IQCM: variants seen among roughly 807,000 people sequenced by gnomAD.
IQCM encodes IQ motif containing M.
IQCM carries 45 observed loss-of-function variants against 57.6 expected under a neutral mutation model. The ratio of observed to expected loss-of-function variants is 0.78; its 90% CI spans 0.62 to 1.00. The LOEUF is 1.00. Ranked by LOEUF, IQCM falls within the 50% of genes least tolerant of loss-of-function variation. The probability of loss-of-function intolerance (pLI) is 0.00; values close to 1 mark genes in which losing one functional copy is unlikely to be tolerated. For missense variants in IQCM, 468 were observed against 511.6 expected, an observed-to-expected ratio of 0.91 and a Z score of 0.82; for synonymous variants, 148 against 158.9, an observed-to-expected ratio of 0.93 and a Z score of 0.51.
In IQCM at chr4:149,775,040, CAAAAAAA is replaced by C. The variant is rs35383107; in HGVS notation, c.-48-32308_-48-32302del. ...CACATTTTTCTTGAGTTCTTTTTGC[CAAAAAAA>C]AAAAAAAAAAAAAAAATCCAAGTTA... On this transcript the variant is annotated intron_variant, in intron 2 of 13. Coordinates refer to ENST00000636793, the MANE Select transcript of IQCM (RefSeq NM_001363507.2). Among the ~76,000 whole-genome samples the C allele has an allele frequency of 1.0e-3, 87 of 87,046 alleles. 1 individual carries two copies. Among genetic ancestry groups the C allele is most frequent in the South Asian group, 2.4e-3 (6 of 2,496 alleles). The allele number at this position is 87,046 out of a possible 152,430, so 57.1% of individuals were successfully genotyped here.
intron 13 of IQCM, among the ~76,000 whole-genome samples, chr4:149,380,657 T>C (rs1029754893): frequency 2.0e-5 from 3 of 151,964 alleles, no homozygotes; most frequent in Admixed American, 6.6e-5. Context: ...ACTGCTGCCA[T>C]AAAAACCCAT....
chr4:149,730,594 G>A (rs1435384749), intron 5 of IQCM, among the ~76,000 whole-genome samples: 2 of 152,178 alleles, frequency 1.3e-5, no homozygotes, highest in Non-Finnish European at 2.9e-5. Flanking sequence ...CTGTCAGGTA[G>A]ATGCTAGGCC....
intron 7 of IQCM, among the ~76,000 whole-genome samples, chr4:149,628,426 A>C (rs1431664439): frequency 3.3e-5 from 5 of 152,206 alleles, no homozygotes; most frequent in Non-Finnish European, 7.3e-5. Context: ...AATGTACTTC[A>C]GAGTTAGTAG....
At chr4:149,735,892 T>C (rs74832593) in intron 3 of IQCM, among the ~76,000 whole-genome samples, 2,250 of 151,944 alleles carry the variant, frequency 0.015, 66 homozygotes, top group African/African-American at 0.052. Context: ...GAAGCAGCAC[T>C]GAAATTCAAA....
intron 12 of IQCM, among the ~76,000 whole-genome samples, chr4:149,437,891 G>C (rs886471386): frequency 2.0e-5 from 3 of 152,038 alleles, no homozygotes; most frequent in African/African-American, 7.2e-5. Flanking sequence ...ATTGAACCCT[G>C]GAGATTCCTA....
At chr4:149,791,084 TA>T (rs1561279184) in intron 2 of IQCM, among the ~76,000 whole-genome samples, 1 of 152,140 alleles carries the variant, frequency 6.6e-6, no homozygotes, top group African/African-American at 2.4e-5. Flanking sequence ...AATTAAAAAG[TA>T]AAGCAATATA....
At chr4:149,618,608 G>T in intron 8 of IQCM, among the ~76,000 whole-genome samples, 1 of 151,892 alleles carries the variant, frequency 6.6e-6, no homozygotes, top group East Asian at 1.9e-4. Flanking sequence ...TCTGGCAAAA[G>T]GTTAATATCC....
At chr4:149,510,914 C>G (rs1167219322) in intron 12 of IQCM, among the ~76,000 whole-genome samples, 1 of 152,170 alleles carries the variant, frequency 6.6e-6, no homozygotes, top group East Asian at 1.9e-4. Flanking sequence ...TAAGTTATTA[C>G]TTGTCTCTTT....
In IQCM at chr4:149,583,698, A is replaced by G. The variant is rs779446835; in HGVS notation, c.749+4232T>C. On this transcript the variant is annotated intron_variant, in intron 9 of 13. Transcript: ENST00000636793. ...CAAATTCAAGTGGACCTCAAGGAAC[A>G]TTATGTATAAAGTATTTTTTCTTAT... Among the ~76,000 whole-genome samples, 6 of 151,650 alleles carry G rather than the reference A, an allele frequency of 4.0e-5. No homozygotes were observed. The South Asian group carries it at 6.2e-4, about 16-fold the overall frequency.
rs564185889 is a variant in IQCM at position 149,745,603 on chromosome 4, A to T, written c.-48-2864T>A. On this transcript the variant is annotated intron_variant, in intron 2 of 13. Transcript: ENST00000636793. ...GATTTCTAATTCCATTTCTACATGG[A>T]TGAAAGACAAACAGAAGTAGAAACT... is the stretch of plus-strand genomic sequence containing the variant. Among the ~76,000 whole-genome samples, 26 of 152,272 alleles carry T rather than the reference A, an allele frequency of 1.7e-4. 1 individual carries two copies. The South Asian group carries it at 3.9e-3, about 23-fold the overall frequency.
At chr4:149,756,619 C>T (rs1026100948) in intron 2 of IQCM, among the ~76,000 whole-genome samples, 2 of 151,970 alleles carry the variant, frequency 1.3e-5, no homozygotes, top group African/African-American at 4.8e-5. Flanking sequence ...TACAAATATG[C>T]TTATAAATAT....
At chr4:149,803,485 G>A (rs1255312136) in intron 2 of IQCM, among the ~76,000 whole-genome samples, 1 of 151,948 alleles carries the variant, frequency 6.6e-6, no homozygotes, top group Non-Finnish European at 1.5e-5. Flanking sequence ...GCATGTCAAA[G>A]GCATTCTTCA....
intron 12 of IQCM, among the ~76,000 whole-genome samples, chr4:149,537,033 A>C (rs1747364256): frequency 6.6e-6 from 1 of 152,030 alleles, no homozygotes; most frequent in Non-Finnish European, 1.5e-5. Flanking sequence ...TAAAATTTCC[A>C]GTGCTCAACA....
intron 12 of IQCM, among the ~76,000 whole-genome samples, chr4:149,491,011 C>T (rs182193192): frequency 3.9e-5 from 6 of 152,080 alleles, no homozygotes; most frequent in Admixed American, 6.6e-5. Flanking sequence ...TCATAAAGTA[C>T]GTGAGTGGAA....
chr4:149,403,728 G>A (rs748018163), intron 13 of IQCM, among the ~76,000 whole-genome samples: 3 of 151,914 alleles, frequency 2.0e-5, no homozygotes, highest in Non-Finnish European at 2.9e-5. Flanking sequence ...GAACAGCTTC[G>A]AGGATTCAGA....
At chr4:149,774,592 A>G (rs1470438828) in intron 2 of IQCM, among the ~76,000 whole-genome samples, 1 of 152,048 alleles carries the variant, frequency 6.6e-6, no homozygotes, top group Non-Finnish European at 1.5e-5. Flanking sequence ...CCTGAGCCCT[A>G]TGCAAATCAG....
chr4:149,703,035 A>G (rs1428879788), intron 5 of IQCM, among the ~76,000 whole-genome samples: 1 of 151,952 alleles, frequency 6.6e-6, no homozygotes, highest in Non-Finnish European at 1.5e-5. Context: ...AAAGCTGATC[A>G]AGACGGTATA....
intron 13 of IQCM, among the ~76,000 whole-genome samples, chr4:149,403,599 T>G (rs1732771426): frequency 6.6e-6 from 1 of 151,908 alleles, no homozygotes; most frequent in Admixed American, 6.6e-5. Context: ...GGAAATGCAT[T>G]GCTAATTAGT....
At chr4:149,570,047 C>T (rs944985177) in intron 9 of IQCM, among the ~76,000 whole-genome samples, 1 of 151,678 alleles carries the variant, frequency 6.6e-6, no homozygotes, top group South Asian at 2.1e-4. Flanking sequence ...GGGAAAAAGT[C>T]CTAATAAAAA....
Sources: allele counts gnomAD v4.1 joint callset (sites outside exome capture counted in the v4.1 genomes callset), GRCh38; gene constraint gnomAD v4.1.1; transcripts MANE v1.5; gene names NCBI Gene and HGNC (gene_info 2026-07-23, HGNC 2026-07-21).